The following PALM variants were observed in gnomAD, a reference collection of about 807,000 sequenced individuals.
The protein encoded by PALM is paralemmin.
PALM carries 18 observed loss-of-function variants against 30.7 expected under a neutral mutation model. The observed-to-expected ratio is 0.59, with a 90% CI of 0.41 to 0.87. The LOEUF is 0.87. PALM is among the 40% of genes least tolerant of loss of function. The pLI is 0.00. For synonymous variants in PALM, 286 were observed against 242.8 expected (o/e 1.18, Z -1.66); for missense variants, 529 against 555.4 (o/e 0.95, Z 0.48).
At chr19:719,199 A>G in intron 1 of PALM, 2 of 985,280 alleles carry the variant, frequency 2.0e-6, no homozygotes, top group Non-Finnish European at 1.2e-6. Context: ...CCCCCATCCC[A>G]CACACGCCCC....
At chr19:740,052 C>T (rs540343697) in intron 7 of PALM, among the ~76,000 whole-genome samples, 39 of 152,258 alleles carry the variant, frequency 2.6e-4, no homozygotes, top group Admixed American at 9.8e-4. Context: ...AGTTTGGTGG[C>T]GAAACAGAGG....
intron 6 of PALM, chr19:735,146 CCAGG>C (rs2032984507): frequency 2.5e-6 from 1 of 399,508 alleles, no homozygotes; most frequent in Non-Finnish European, 3.2e-6. Context: ...GTCTGGGGGC[CCAGG>C]TGCCTGTGTC....
intron 4 of PALM, 145 bp downstream of exon 4, chr19:727,839 G>C: frequency 1.3e-6 from 1 of 745,938 alleles, no homozygotes. Context: ...CATGCTTTGA[G>C]GGGGACGCAG....
chr19:728,858 G>T (rs554095051), intron 4 of PALM, among the ~76,000 whole-genome samples: 3 of 152,174 alleles, frequency 2.0e-5, no homozygotes, highest in African/African-American at 7.2e-5. Flanking sequence ...AAAAAAATTA[G>T]CCAGGCGTGG....
At chr19:740,998 G>C (rs974639377) in intron 8 of PALM, among the ~76,000 whole-genome samples, 24 of 151,464 alleles carry the variant, frequency 1.6e-4, no homozygotes, top group Non-Finnish European at 3.2e-4. Flanking sequence ...AATTACCCTG[G>C]CATGGTGGTG....
At chr19:725,088 C>G (rs1293108358) in intron 1 of PALM, among the ~76,000 whole-genome samples, 1 of 151,414 alleles carries the variant, frequency 6.6e-6, no homozygotes, top group East Asian at 2.0e-4. Context: ...CCACGCCCAG[C>G]TAATTTTTGT....
At chr19:730,302 C>G (rs2032831193) in intron 4 of PALM, among the ~76,000 whole-genome samples, 1 of 152,198 alleles carries the variant, frequency 6.6e-6, no homozygotes, top group African/African-American at 2.4e-5. Flanking sequence ...CTTACGCACT[C>G]AGCCCTCGTC....
chr19:724,761 C>T (rs1437953106), intron 1 of PALM, among the ~76,000 whole-genome samples: 1 of 151,998 alleles, frequency 6.6e-6, no homozygotes, highest in Non-Finnish European at 1.5e-5. Context: ...GGACTACAGG[C>T]GCACACCACC....
At chr19:719,112 G>A in intron 1 of PALM, 1 of 984,812 alleles carries the variant, frequency 1.0e-6, no homozygotes, top group Non-Finnish European at 1.2e-6. Flanking sequence ...CGCTGGGCTC[G>A]GCGCCTGCCC....
At chr19:711,186 C>T (rs2032068104) in intron 1 of PALM, 19 of 984,238 alleles carry the variant, frequency 1.9e-5, no homozygotes, top group South Asian at 4.7e-5. Flanking sequence ...ACCACAGGGC[C>T]GATGCTGCCA....
intron 7 of PALM, among the ~76,000 whole-genome samples, chr19:738,802 A>G (rs1022664399): frequency 1.3e-5 from 2 of 152,010 alleles, no homozygotes; most frequent in Non-Finnish European, 2.9e-5. Context: ...CGAGGTGGCT[A>G]TGGGGGCCGA....
chr19:719,740 G>A, intron 1 of PALM: 1 of 600,152 alleles, frequency 1.7e-6, no homozygotes, highest in Non-Finnish European at 2.1e-6. Flanking sequence ...CGATCACACG[G>A]GAATGAGACT....
At chr19:744,369 C>T (rs2033275311) in intron 8 of PALM, among the ~76,000 whole-genome samples, 1 of 146,942 alleles carries the variant, frequency 6.8e-6, no homozygotes, top group Admixed American at 6.9e-5. Context: ...CACTGCACTC[C>T]AGCCTGGGCG....
intron 7 of PALM, among the ~76,000 whole-genome samples, chr19:737,121 G>A (rs1204632123): frequency 6.6e-6 from 1 of 152,182 alleles, no homozygotes; most frequent in East Asian, 1.9e-4. Flanking sequence ...GGACAGGGCT[G>A]GAAGGAAGGA....
chr19:747,064 C>G lies in PALM; in HGVS notation c.*250C>G. ...GTAGGAGAGAGACAGGACAGACCCGCTTTTCCCGAGACAAGGACCCCCCAT... is the reference window on the plus strand; with the variant it reads ...GTAGGAGAGAGACAGGACAGACCCGGTTTTCCCGAGACAAGGACCCCCCAT... On this transcript the variant is annotated 3_prime_UTR_variant, in exon 9 of 9. Transcript: ENST00000338448. 6.3e-6 allele frequency: 3 copies of G among 477,266 alleles called. No individual in the cohort carries two copies. Among genetic ancestry groups the G allele is most frequent in the Non-Finnish European group, 1.1e-5 (3 of 268,882 alleles). 29.6% of individuals were successfully genotyped at this position (477,266 alleles called of 1,614,324 possible). A position where few individuals can be genotyped will look rare whatever the true frequency, so the allele number is the denominator to read the frequency against.
intron 8 of PALM, among the ~76,000 whole-genome samples, chr19:745,278 T>G (rs1480268196): frequency 1.3e-5 from 2 of 152,210 alleles, no homozygotes; most frequent in Non-Finnish European, 2.9e-5. Flanking sequence ...GGAGCAGGGG[T>G]TTGGCTCTGT....
chr19:710,565 C>G (rs569701688), intron 1 of PALM, among the ~76,000 whole-genome samples: 1 of 152,082 alleles, frequency 6.6e-6, no homozygotes, highest in Non-Finnish European at 1.5e-5. Flanking sequence ...GGGGTGTCAG[C>G]GAACACTCCG....
chr19:720,132 C>A (rs2032411585), intron 1 of PALM, among the ~76,000 whole-genome samples: 1 of 151,872 alleles, frequency 6.6e-6, no homozygotes, highest in South Asian at 2.1e-4. Flanking sequence ...GTCTAGGCCG[C>A]CCCAGGCCCG....
intron 1 of PALM, chr19:719,367 T>G (rs1483414127): frequency 1.0e-6 from 1 of 985,480 alleles, no homozygotes; most frequent in African/African-American, 1.7e-5. Flanking sequence ...AGCAGGACTA[T>G]CTCACGCGCT....
Sources: gnomAD v4.1 joint callset for allele counts (sites outside exome capture counted in the v4.1 genomes callset) on GRCh38, gnomAD v4.1.1 for gene constraint, MANE v1.5 for transcripts, NCBI Gene and HGNC (gene_info 2026-07-23, HGNC 2026-07-21) for gene names.